DPP10: variants seen among roughly 807,000 people sequenced by gnomAD.
DPP10 encodes dipeptidyl peptidase like 10.
A neutral mutation model predicts 120.9 loss-of-function variants in DPP10; 33 were observed. The ratio of observed to expected loss-of-function variants is 0.27; its 90% CI spans 0.21 to 0.37. DPP10 has a LOEUF of 0.37. DPP10 is among the 10% of genes least tolerant of loss of function. The probability of loss-of-function intolerance (pLI) is 1.00; values close to 1 mark genes in which losing one functional copy is unlikely to be tolerated. For synonymous variants in DPP10, 337 were observed against 326.1 expected, an observed-to-expected ratio of 1.03 and a Z score of -0.36; for missense variants, 816 against 942.8, an observed-to-expected ratio of 0.87 and a Z score of 1.76.
At chr2:114,874,763 C>T (rs1292645534) in intron 1 of DPP10, among the ~76,000 whole-genome samples, 1 of 152,046 alleles carries the variant, frequency 6.6e-6, no homozygotes, top group Non-Finnish European at 1.5e-5. Flanking sequence ...TTGGGGACTG[C>T]TGGTATAGAT....
chr2:115,819,997 A>C (rs1235744821), intron 21 of DPP10, among the ~76,000 whole-genome samples: 2 of 152,240 alleles, frequency 1.3e-5, no homozygotes, highest in Non-Finnish European at 2.9e-5. Context: ...TCTGTCTCAA[A>C]ACAAAACAAA....
intron 1 of DPP10, among the ~76,000 whole-genome samples, chr2:114,820,481 G>A (rs1352451603): frequency 6.6e-6 from 1 of 152,164 alleles, no homozygotes; most frequent in Non-Finnish European, 1.5e-5. Flanking sequence ...TAAACATCCT[G>A]CATTAGACTG....
At chr2:115,192,510 C>A (rs2054957940) in intron 1 of DPP10, among the ~76,000 whole-genome samples, 1 of 152,212 alleles carries the variant, frequency 6.6e-6, no homozygotes, top group Middle Eastern at 3.2e-3. Context: ...ACAAGATTTA[C>A]CTCATAAGGG....
intron 1 of DPP10, among the ~76,000 whole-genome samples, chr2:114,746,681 T>G (rs2106013103): frequency 6.6e-6 from 1 of 152,288 alleles, no homozygotes; most frequent in Non-Finnish European, 1.5e-5. Context: ...TTTCTTCCTT[T>G]GCATTTGATG....
At chr2:115,576,914 T>C in intron 5 of DPP10, among the ~76,000 whole-genome samples, 1 of 152,168 alleles carries the variant, frequency 6.6e-6, no homozygotes, top group Admixed American at 6.5e-5. Flanking sequence ...TTGTAATAAA[T>C]TTAGGGAAAG....
At chr2:115,552,871 T>C (rs915686234) in intron 5 of DPP10, among the ~76,000 whole-genome samples, 9 of 152,198 alleles carry the variant, frequency 5.9e-5, no homozygotes, top group Non-Finnish European at 8.8e-5. Context: ...CTTTAAGTTA[T>C]TCTTCATTCT....
intron 1 of DPP10, among the ~76,000 whole-genome samples, chr2:114,709,288 G>T (rs1384159287): frequency 6.6e-6 from 1 of 152,090 alleles, no homozygotes; most frequent in African/African-American, 2.4e-5. Flanking sequence ...TGACATCCAG[G>T]TTCATTTTGA....
chr2:115,783,249 CA>C (rs1294804698), intron 17 of DPP10, among the ~76,000 whole-genome samples: 2 of 152,006 alleles, frequency 1.3e-5, no homozygotes, highest in Non-Finnish European at 2.9e-5. Context: ...AAATTAGTCT[CA>C]AAGAGGTTAA....
chr2:114,867,778 AC>A (rs1451042994), intron 1 of DPP10, among the ~76,000 whole-genome samples: 1 of 152,186 alleles, frequency 6.6e-6, no homozygotes, highest in Non-Finnish European at 1.5e-5. Flanking sequence ...AGTCAAGAGC[AC>A]AGCAAGATGT....
intron 1 of DPP10, among the ~76,000 whole-genome samples, chr2:114,785,597 A>G (rs537905776): frequency 6.6e-6 from 1 of 152,166 alleles, no homozygotes; most frequent in Non-Finnish European, 1.5e-5. Context: ...CTCAAATGAG[A>G]AGCATTTGTG....
At position 115,343,824 on chromosome 2, in the gene DPP10, C is replaced by T; in HGVS notation, c.183C>T (p.Leu61=). Reference sequence around the variant, plus strand: ...GAATTTCCTTTATTTTAGATGAACTCACAAATTCGTCAGAAACCAGATTGT... The same window carrying T: ...GAATTTCCTTTATTTTAGATGAACTTACAAATTCGTCAGAAACCAGATTGT... The part of the protein sequence containing the change: ...MSVILLTPDE[L]TNSSETRLSL... Residue 61 remains leucine (L), a synonymous_variant, in exon 3 of 26, where the codon CTC becomes CTT. Coordinates refer to ENST00000410059, the MANE Select transcript of DPP10 (RefSeq NM_020868.6). 2 of 1,609,742 alleles carry T rather than the reference C, an allele frequency of 1.2e-6. No individual in the cohort carries two copies. The highest frequency in any genetic ancestry group is 2.2e-5 in the East Asian group (1 of 44,668).
chr2:114,532,296 T>TATATATATACACACAC (rs1342125338), intron 1 of DPP10, among the ~76,000 whole-genome samples: 1 of 74,758 alleles, frequency 1.3e-5, no homozygotes, highest in East Asian at 4.5e-4. Flanking sequence ...TATATATATA[T>TATATATATACACACAC]ACACACACAC....
intron 9 of DPP10, among the ~76,000 whole-genome samples, chr2:115,743,787 T>G (rs1018806992): frequency 1.2e-4 from 18 of 150,714 alleles, no homozygotes; most frequent in African/African-American, 3.9e-4. Flanking sequence ...ATCTTTAGCA[T>G]GTGCTCATAA....
chr2:114,623,239 G>T (rs1007729396), intron 1 of DPP10, among the ~76,000 whole-genome samples: 1 of 152,000 alleles, frequency 6.6e-6, no homozygotes, highest in Non-Finnish European at 1.5e-5. Flanking sequence ...TGCATCGTAT[G>T]TTTGTGATAA....
At position 114,565,505 on chromosome 2, in the gene DPP10, G is replaced by T. The variant is rs980042044; in HGVS notation, c.60+122667G>T. ...GATTTTAGTCAAGCTTAGCACCAAC[G>T]GCCATTAGGAAGCCAACAACACAAC... is the stretch of plus-strand genomic sequence containing the variant. On this transcript the variant is annotated intron_variant, in intron 1 of 25. Transcript: ENST00000410059. Among the ~76,000 whole-genome samples, 7 of 152,118 alleles carry T rather than the reference G, an allele frequency of 4.6e-5. No individual in the cohort carries two copies. In the East Asian group the frequency reaches 1.3e-3, roughly 29 times the overall value.
chr2:115,549,405 C>A (rs910756027), intron 5 of DPP10, among the ~76,000 whole-genome samples: 2 of 152,090 alleles, frequency 1.3e-5, no homozygotes, highest in African/African-American at 2.4e-5. Flanking sequence ...TGATCTCCGT[C>A]CCTTTCTATC....
intron 1 of DPP10, among the ~76,000 whole-genome samples, chr2:114,912,416 T>C (rs183986717): frequency 1.5e-3 from 229 of 152,098 alleles, no homozygotes; most frequent in Middle Eastern, 0.01. Context: ...ATAACTAACC[T>C]GTATGTGCCT....
intron 5 of DPP10, among the ~76,000 whole-genome samples, chr2:115,571,845 T>G (rs1007961620): frequency 1.3e-5 from 2 of 149,584 alleles, no homozygotes; most frequent in Non-Finnish European, 3.0e-5. Flanking sequence ...CTCCAATATC[T>G]TGTGTGTGTG....
chr2:114,885,808 G>A (rs560602297), intron 1 of DPP10, among the ~76,000 whole-genome samples: 24 of 152,298 alleles, frequency 1.6e-4, no homozygotes, highest in South Asian at 1.0e-3. Context: ...ATATAGAATT[G>A]ACTTCCTAGT....
Sources: allele counts gnomAD v4.1 joint callset (sites outside exome capture counted in the v4.1 genomes callset), GRCh38; gene constraint gnomAD v4.1.1; transcripts MANE v1.5; gene names NCBI Gene and HGNC (gene_info 2026-07-23, HGNC 2026-07-21).